SPAG16: variants seen among roughly 807,000 people sequenced by gnomAD.
SPAG16 encodes the protein sperm associated antigen 16.
A neutral mutation model predicts 80.4 loss-of-function variants in SPAG16; 86 were observed. The ratio of observed to expected loss-of-function variants is 1.07; its 90% CI spans 0.90 to 1.28. SPAG16 has a LOEUF of 1.28. Among genes scored for constraint, SPAG16 ranks in the 50% most tolerant of loss-of-function variants. The pLI is 0.00. For missense variants in SPAG16, 870 were observed against 765.3 expected (o/e 1.14, Z -1.61); for synonymous variants, 294 against 265.9 (o/e 1.11, Z -1.03).
At chr2:214,102,552 C>T (rs2053123876) in intron 13 of SPAG16, among the ~76,000 whole-genome samples, 1 of 151,900 alleles carries the variant, frequency 6.6e-6, no homozygotes, top group Non-Finnish European at 1.5e-5. Flanking sequence ...AGGCCTTCTG[C>T]GTATAGCCTG....
At chr2:214,298,317 A>T (rs939904005) in intron 15 of SPAG16, among the ~76,000 whole-genome samples, 2 of 152,104 alleles carry the variant, frequency 1.3e-5, no homozygotes, top group Non-Finnish European at 2.9e-5. Context: ...CAAGTCATTT[A>T]TCAAAGTTAG....
intron 15 of SPAG16, among the ~76,000 whole-genome samples, chr2:214,154,460 C>A (rs555408973): frequency 1.3e-5 from 2 of 150,378 alleles, no homozygotes; most frequent in African/African-American, 4.9e-5. Context: ...CAAAATGGGA[C>A]GAAAATATGA....
intron 10 of SPAG16, among the ~76,000 whole-genome samples, chr2:213,787,359 G>T (rs2070406710): frequency 6.6e-6 from 1 of 152,068 alleles, no homozygotes; most frequent in Non-Finnish European, 1.5e-5. Flanking sequence ...AATAGACCAA[G>T]AGCTACTAAG....
intron 15 of SPAG16, among the ~76,000 whole-genome samples, chr2:214,344,274 T>C (rs749054420): frequency 6.6e-6 from 1 of 152,146 alleles, no homozygotes; most frequent in Non-Finnish European, 1.5e-5. Context: ...AATCAGAAAG[T>C]CATGGCTTTG....
Position 213,404,551 on chromosome 2 carries a change from A to G in SPAG16, c.942+29432A>G, listed in dbSNP as rs1230573161. ...TCCCTTCCTCACACCTTATAAAAAAATTAATTCAAGATGGATTAAAGACTT... is the reference window on the plus strand; with the variant it reads ...TCCCTTCCTCACACCTTATAAAAAAGTTAATTCAAGATGGATTAAAGACTT... On this transcript the variant is annotated intron_variant, in intron 9 of 15. Coordinates refer to ENST00000331683, the MANE Select transcript of SPAG16 (RefSeq NM_024532.5). 5.9e-5 allele frequency among the ~76,000 whole-genome samples: 9 copies of G among 152,178 alleles called. No homozygotes were observed. The East Asian group carries it at 1.5e-3, about 26-fold the overall frequency.
intron 15 of SPAG16, among the ~76,000 whole-genome samples, chr2:214,292,860 G>A (rs1206896310): frequency 6.6e-6 from 1 of 152,090 alleles, no homozygotes; most frequent in Non-Finnish European, 1.5e-5. Context: ...GAGAACTTTG[G>A]CCTCAATTTT....
chr2:213,718,685 T>A (rs560987022), intron 10 of SPAG16, among the ~76,000 whole-genome samples: 2 of 152,208 alleles, frequency 1.3e-5, no homozygotes, highest in African/African-American at 2.4e-5. Flanking sequence ...CTGGCCCACC[T>A]GCGCTGTGCT....
chr2:213,466,368 G>T (rs1293482371), intron 9 of SPAG16, among the ~76,000 whole-genome samples: 1 of 152,166 alleles, frequency 6.6e-6, no homozygotes, highest in Non-Finnish European at 1.5e-5. Flanking sequence ...CTCAAGCAAG[G>T]CTTGTTTCAA....
intron 13 of SPAG16, among the ~76,000 whole-genome samples, chr2:214,015,181 A>T (rs1054818315): frequency 6.6e-6 from 1 of 152,036 alleles, no homozygotes; most frequent in African/African-American, 2.4e-5. Context: ...GGACATGAAA[A>T]CCCTTACTGC....
chr2:213,396,562 T>C (rs1395847080), intron 9 of SPAG16: 1 of 441,062 alleles, frequency 2.3e-6, no homozygotes, highest in Admixed American at 2.4e-5. Context: ...AGAACAGCCC[T>C]CTGTCTAACT....
chr2:213,327,415 G>A (rs2063892061), intron 5 of SPAG16, among the ~76,000 whole-genome samples: 1 of 152,012 alleles, frequency 6.6e-6, no homozygotes, highest in Non-Finnish European at 1.5e-5. Flanking sequence ...CCAATTTAAT[G>A]GTCAGAAAAA....
In SPAG16 at chr2:213,605,288, A is replaced by C. The variant is rs551377623; in HGVS notation, c.1070+115198A>C. On this transcript the variant is annotated intron_variant, in intron 10 of 15. Transcript: ENST00000331683. ...AATGCATTTTTTTTTTTTTTTTGAG[A>C]TGGAGTCTCGCACTGTCACCCAGGC... Among the ~76,000 whole-genome samples the C allele has an allele frequency of 6.7e-4, 94 of 139,842 alleles. No individual in the cohort carries two copies. In the East Asian group the frequency reaches 0.017, roughly 25 times the overall value. 91.7% of individuals were successfully genotyped at this position (139,842 alleles called of 152,430 possible). A position where few individuals can be genotyped will look rare whatever the true frequency, so the allele number is the denominator to read the frequency against.
chr2:214,273,617 G>A (rs1692208912), intron 15 of SPAG16, among the ~76,000 whole-genome samples: 2 of 152,014 alleles, frequency 1.3e-5, no homozygotes, highest in South Asian at 4.1e-4. Flanking sequence ...GATGTGTGGT[G>A]TTATTCCTGA....
chr2:213,316,144 A>G (rs950008934), intron 4 of SPAG16, among the ~76,000 whole-genome samples: 6 of 152,014 alleles, frequency 3.9e-5, no homozygotes, highest in African/African-American at 7.2e-5. Flanking sequence ...ATTACATTTA[A>G]CACGAATGGA....
intron 13 of SPAG16, among the ~76,000 whole-genome samples, chr2:214,059,278 T>TAAA: frequency 8.4e-6 from 1 of 118,750 alleles, no homozygotes; most frequent in South Asian, 2.8e-4. Flanking sequence ...ATATATATAA[T>TAAA]CAAGAATTTT....
chr2:214,258,239 C>G (rs1252389156), intron 15 of SPAG16, among the ~76,000 whole-genome samples: 2 of 151,464 alleles, frequency 1.3e-5, no homozygotes, highest in African/African-American at 4.8e-5. Context: ...TATTCCTCAC[C>G]CCCCTCCCAC....
intron 12 of SPAG16, among the ~76,000 whole-genome samples, chr2:213,989,125 T>C (rs540761491): frequency 6.0e-4 from 92 of 152,188 alleles, no homozygotes; most frequent in African/African-American, 2.2e-3. Flanking sequence ...ACAGGGAAAA[T>C]ATGTATTCTA....
intron 10 of SPAG16, among the ~76,000 whole-genome samples, chr2:213,801,302 A>G (rs1029493835): frequency 2.0e-5 from 3 of 152,216 alleles, no homozygotes; most frequent in Non-Finnish European, 4.4e-5. Flanking sequence ...GATTCTACTA[A>G]TCAGGTGTCT....
chr2:213,429,058 T>G (rs888650627), intron 9 of SPAG16, among the ~76,000 whole-genome samples: 1 of 149,000 alleles, frequency 6.7e-6, no homozygotes, highest in Admixed American at 6.7e-5. Flanking sequence ...CAACACTGTA[T>G]GCCAGCCTGG....
Sources: allele counts gnomAD v4.1 joint callset (sites outside exome capture counted in the v4.1 genomes callset), GRCh38; gene constraint gnomAD v4.1.1; transcripts MANE v1.5; gene names NCBI Gene and HGNC (gene_info 2026-07-23, HGNC 2026-07-21).